The following PUDP variants were observed in gnomAD, a reference collection of about 807,000 sequenced individuals.
PUDP encodes the protein pseudouridine 5'-phosphatase, also known as pseudouridine-5'-phosphatase.
A neutral mutation model predicts 9.4 loss-of-function variants in PUDP; 8 were observed. The observed-to-expected ratio is 0.85, with a 90% CI of 0.50 to 1.53. The LOEUF (loss-of-function observed/expected upper bound fraction) is 1.53. Among genes scored for constraint, PUDP ranks in the 40% most tolerant of loss-of-function variants. The pLI, the probability that PUDP is intolerant of heterozygous loss-of-function variation, is 0.00. For missense variants in PUDP, 188 were observed against 189.7 expected, an observed-to-expected ratio of 0.99 and a Z score of 0.05; for synonymous variants, 99 against 80.7, an observed-to-expected ratio of 1.23 and a Z score of -1.22.
intron 3 of PUDP, among the ~76,000 whole-genome samples, chrX:6,813,662 C>T (rs1409955243): frequency 1.8e-5 from 2 of 111,413 alleles, no homozygotes; most frequent in Non-Finnish European, 3.8e-5. Context: ...GCAGCCAGTC[C>T]GCATCCTCTC....
At chrX:7,073,301 T>C (rs967717998) in intron 3 of PUDP, among the ~76,000 whole-genome samples, 7 of 112,311 alleles carry the variant, frequency 6.2e-5, no homozygotes, top group Admixed American at 5.7e-4. Flanking sequence ...GTTGGACACT[T>C]TCTCCTAGTA....
intron 1 of PUDP, among the ~76,000 whole-genome samples, chrX:7,106,759 G>A (rs1196999936): frequency 8.9e-6 from 1 of 111,742 alleles, no homozygotes; most frequent in Non-Finnish European, 1.9e-5. Context: ...CACACTAGCT[G>A]TCTTCCCCAC....
chrX:6,927,570 G>GC (rs1280620009), intron 3 of PUDP, among the ~76,000 whole-genome samples: 1 of 111,939 alleles, frequency 8.9e-6, no homozygotes, highest in Non-Finnish European at 1.9e-5. Flanking sequence ...CTTCTCAGGT[G>GC]CTGTGCCCAT....
chrX:7,103,025 C>T (rs1049029435), intron 2 of PUDP, among the ~76,000 whole-genome samples: 4 of 111,733 alleles, frequency 3.6e-5, no homozygotes, highest in Non-Finnish European at 7.5e-5. Flanking sequence ...TCAATGCAAT[C>T]CCTATCAAAA....
intron 3 of PUDP, among the ~76,000 whole-genome samples, chrX:6,823,911 T>A (rs1252085266): frequency 1.8e-5 from 2 of 112,655 alleles, no homozygotes; most frequent in East Asian, 5.6e-4. Context: ...TAATGCATTA[T>A]AATTAGCATA....
At chrX:6,834,533 C>A (rs937242883) in intron 3 of PUDP, among the ~76,000 whole-genome samples, 8 of 111,291 alleles carry the variant, frequency 7.2e-5, no homozygotes, top group African/African-American at 2.0e-4. Flanking sequence ...AAATTCCATG[C>A]CTGAATTCCC....
rs57612819 is a variant in PUDP at position 7,142,641 on chromosome X, A to ATT, written c.61+5410_61+5411dup. Among the ~76,000 whole-genome samples the ATT allele has an allele frequency of 8.5e-3, 685 of 80,869 alleles. 13 individuals carry two copies. The highest frequency in any genetic ancestry group is 0.019 in the African/African-American group (398 of 20,608). The allele number at this position is 80,869 out of a possible 115,157, so 70.2% of individuals were successfully genotyped here. A position where few individuals can be genotyped will look rare whatever the true frequency, so the allele number is the denominator to read the frequency against. On this transcript the variant is annotated intron_variant, in intron 1 of 3. Transcript: ENST00000381077. ...AGCAGCAGAGTTTGAGAGGACTCCAATTTTTTTTTTTTTTTTTTTTTGAGA... is the reference window on the plus strand; with the variant it reads ...AGCAGCAGAGTTTGAGAGGACTCCAATTTTTTTTTTTTTTTTTTTTTTTGAGA...
chrX:6,932,618 C>T lies in PUDP; in HGVS notation c.*247+44515G>A, dbSNP rs773025365. Among the ~76,000 whole-genome samples, 267 of 100,872 alleles carry T rather than the reference C, an allele frequency of 2.6e-3. 3 individuals carry two copies. The highest frequency in any genetic ancestry group is 8.8e-3 in the African/African-American group (254 of 28,844). The allele number at this position is 100,872 out of a possible 115,157, so 87.6% of individuals were successfully genotyped here. On this transcript the variant is annotated intron_variant and NMD_transcript_variant, in intron 3 of 3. Transcript: ENST00000655425. Reference sequence around the variant, plus strand: ...TCACTAGGGAGCGCCAGACAGTGGGCGCAGGTCAGTGGGTGCGCGCACCGT... The same window carrying T: ...TCACTAGGGAGCGCCAGACAGTGGGTGCAGGTCAGTGGGTGCGCGCACCGT...
Position 7,091,100 on chromosome X carries a change from C to T in PUDP, c.281-13651G>A, listed in dbSNP as rs766450733. ...GACTCCATGAAAAAGACTTTATGAT[C>T]GTCAGGAGCCTCCTGTCCTCACAGA... On this transcript the variant is annotated intron_variant, in intron 2 of 3. Transcript: ENST00000381077. 8.9e-5 allele frequency among the ~76,000 whole-genome samples: 10 copies of T among 111,802 alleles called. No homozygotes were observed. The South Asian group carries it at 2.6e-3, about 30-fold the overall frequency.
At chrX:6,958,036 T>G (rs1602690376) in intron 3 of PUDP, among the ~76,000 whole-genome samples, 1 of 112,131 alleles carries the variant, frequency 8.9e-6, no homozygotes, top group East Asian at 2.8e-4. Context: ...AGCAAGGCCA[T>G]TTTTACTTCC....
intron 3 of PUDP, among the ~76,000 whole-genome samples, chrX:6,885,442 A>G (rs905509572): frequency 8.9e-6 from 1 of 112,218 alleles, no homozygotes; most frequent in African/African-American, 3.2e-5. Flanking sequence ...AGAGAGAGTT[A>G]CAGGTTATTT....
At chrX:7,026,591 G>A (rs1929713937) in intron 1 of PUDP, among the ~76,000 whole-genome samples, 1 of 111,230 alleles carries the variant, frequency 9.0e-6, no homozygotes, top group South Asian at 3.8e-4. Flanking sequence ...GGTTGGTCTC[G>A]CTCCATGGGT....
chrX:6,845,282 G>A (rs963158049), intron 3 of PUDP, among the ~76,000 whole-genome samples: 1 of 111,772 alleles, frequency 8.9e-6, no homozygotes, highest in Admixed American at 9.5e-5. Flanking sequence ...ATAAATAGGG[G>A]TATTGAGAAG....
intron 3 of PUDP, among the ~76,000 whole-genome samples, chrX:6,759,470 C>T (rs1328327089): frequency 9.0e-6 from 1 of 111,506 alleles, no homozygotes; most frequent in Non-Finnish European, 1.9e-5. Context: ...CATTTGGGAC[C>T]ATATAATCTT....
chrX:6,741,266 G>A (rs113673220), intron 3 of PUDP, among the ~76,000 whole-genome samples: 5,793 of 110,949 alleles, frequency 0.052, 184 homozygotes, highest in African/African-American at 0.087. Context: ...TTCCAACACA[G>A]TTTTTGAGAA....
At chrX:6,922,508 C>A (rs962817461) in intron 3 of PUDP, among the ~76,000 whole-genome samples, 1 of 112,337 alleles carries the variant, frequency 8.9e-6, no homozygotes, top group Non-Finnish European at 1.9e-5. Flanking sequence ...AAATTTGGAT[C>A]ACTACTCCCA....
At chrX:6,912,529 T>C (rs1250238468) in intron 3 of PUDP, among the ~76,000 whole-genome samples, 1 of 112,097 alleles carries the variant, frequency 8.9e-6, no homozygotes, top group African/African-American at 3.2e-5. Context: ...CATTTTCTCC[T>C]TGAGTCTACA....
intron 3 of PUDP, among the ~76,000 whole-genome samples, chrX:6,934,639 C>A (rs1383823632): frequency 9.5e-6 from 1 of 105,197 alleles, no homozygotes; most frequent in Non-Finnish European, 2.0e-5. Context: ...ACACTATTAA[C>A]TTTAAATGTA....
At chrX:6,917,056 C>T (rs1412362038) in intron 3 of PUDP, among the ~76,000 whole-genome samples, 4 of 112,001 alleles carry the variant, frequency 3.6e-5, no homozygotes, top group African/African-American at 1.3e-4. Flanking sequence ...TTATGGAAGA[C>T]CTGCCTTAAA....
Sources: gnomAD v4.1 joint callset for allele counts (sites outside exome capture counted in the v4.1 genomes callset) on GRCh38, gnomAD v4.1.1 for gene constraint, MANE v1.5 for transcripts, NCBI Gene and HGNC (gene_info 2026-07-23, HGNC 2026-07-21) for gene names.